Variants in MFSD2A observed in about 807,000 individuals in gnomAD.
MFSD2A encodes sodium-dependent lysophosphatidylcholine symporter 1.
MFSD2A carries 27 observed loss-of-function variants against 64.7 expected under a neutral mutation model. The observed-to-expected ratio is 0.42, with a 90% CI of 0.31 to 0.58. The LOEUF (loss-of-function observed/expected upper bound fraction) is 0.58, where lower values mean the gene tolerates loss of function less well. Among genes scored for constraint, MFSD2A ranks in the 20% least tolerant of loss-of-function variants. MFSD2A has a pLI of 0.18. For missense variants in MFSD2A, 474 were observed against 679.5 expected (o/e 0.70, Z 3.36); for synonymous variants, 258 against 273.4 (o/e 0.94, Z 0.55).
chr1:39,955,149 T>A lies in MFSD2A; in HGVS notation c.-144T>A, dbSNP rs1038603172. 1 of 531,488 alleles carries A rather than the reference T, an allele frequency of 1.9e-6. No homozygotes were observed. Among genetic ancestry groups the A allele is most frequent in the African/African-American group, 2.0e-5 (1 of 50,168 alleles). The allele number at this position is 531,488 out of a possible 1,614,324, so 32.9% of individuals were successfully genotyped here. A position where few individuals can be genotyped will look rare whatever the true frequency, so the allele number is the denominator to read the frequency against. ...GGCGCGGAGGGGGCGTGCAGCAGAGTGCGTTCCTCGTCTGCCAGCCGGCTT... is the reference window on the plus strand; with the variant it reads ...GGCGCGGAGGGGGCGTGCAGCAGAGAGCGTTCCTCGTCTGCCAGCCGGCTT... On this transcript the variant is annotated 5_prime_UTR_variant, in exon 1 of 14. Transcript: ENST00000372811. This position sits in a 1 kb window ranked among gnomAD's most constrained non-coding sequence, Gnocchi z 5.9.
At chr1:39,956,705 C>T (rs982290467) in intron 1 of MFSD2A, among the ~76,000 whole-genome samples, 1 of 151,510 alleles carries the variant, frequency 6.6e-6, no homozygotes, top group Non-Finnish European at 1.5e-5. Flanking sequence ...AGTGGGATCT[C>T]GGAGATCGAG....
In MFSD2A at chr1:39,968,277, T is replaced by A; in HGVS notation, c.1209-57T>A. The A allele has an allele frequency of 8.1e-6, 13 of 1,611,514 alleles. No individual in the cohort carries two copies. In the South Asian group the frequency reaches 1.1e-4, roughly 14 times the overall value. On this transcript the variant is annotated intron_variant, in intron 11 of 13. Transcript: ENST00000372811. The surrounding 1 kb of genome is among the most constrained non-coding windows in gnomAD (Gnocchi z 4.4). ...GCTTCCAGAGGGCCACCTCTTCTCA[T>A]TAACACAGAGGCCCGTTAGGTGGGT...
At chr1:39,966,783 C>A (rs1645170975) in intron 7 of MFSD2A, 28 bp from the exon 8 acceptor site, 2 of 1,613,976 alleles carry the variant, frequency 1.2e-6, no homozygotes, top group African/African-American at 2.7e-5. Context: ...GTCTCTGCTC[C>A]TTCCTCACTG....
rs1168994150 is a variant in MFSD2A, at chr1:39,958,713, T to C, written c.241T>C (p.Ser81Pro). The C allele has an allele frequency of 1.9e-6, 3 of 1,614,156 alleles. No homozygotes were observed. Among genetic ancestry groups the C allele is most frequent in the Non-Finnish European group, 1.7e-6 (2 of 1,180,022 alleles). ...LLDVAQVGPFSASIILFVGRA... is the reference protein window; with the variant it reads ...LLDVAQVGPFPASIILFVGRA... The stretch of plus-strand genomic sequence containing the variant: ...CTCCTCATTCCAGGTGGGCCCTTTC[T>C]CTGCCTCCATCATCCTGTTTGTGGG... The change falls in exon 3 of 14, where the codon TCT becomes CCT. Residue 81 changes from serine to proline, a missense_variant. Ser to Pro is a moderately conservative substitution (Grantham distance 74, BLOSUM62 -1). Transcript: ENST00000372811. This position sits in a 1 kb window ranked among gnomAD's most constrained non-coding sequence, Gnocchi z 4.7.
rs1245932091 is a variant in MFSD2A at position 39,955,266 on chromosome 1, G to C, written c.-27G>C. The C allele has an allele frequency of 7.2e-7, 1 of 1,397,068 alleles. No homozygotes were observed. Among genetic ancestry groups the C allele is most frequent in the East Asian group, 2.8e-5 (1 of 36,190 alleles). 86.5% of individuals were successfully genotyped at this position (1,397,068 alleles called of 1,614,324 possible). ...GGGCAGAGGAGCATCCCGTCTACCA[G>C]GTCCCAAGCGGCGTGGCCCGCGGGT... On this transcript the variant is annotated 5_prime_UTR_variant, in exon 1 of 14. Transcript: ENST00000372811. The surrounding 1 kb of genome is among the most constrained non-coding windows in gnomAD (Gnocchi z 5.9).
Position 39,963,287 on chromosome 1 carries a change from C to G in MFSD2A, c.354-1924C>G. ...GCACCTTTGATGCCATCTCTAAGACCTACAGCTACCTGACCCCCGACCTCT... is the reference window on the plus strand; with the variant it reads ...GCACCTTTGATGCCATCTCTAAGACGTACAGCTACCTGACCCCCGACCTCT... On this transcript the variant is annotated intron_variant, in intron 3 of 13. Transcript: ENST00000372811. This position sits in a 1 kb window ranked among gnomAD's most constrained non-coding sequence, Gnocchi z 4.2. 7.2e-7 allele frequency: 1 copy of G among 1,381,272 alleles called. No homozygotes were observed. Among genetic ancestry groups the G allele is most frequent in the Non-Finnish European group, 1.0e-6 (1 of 988,644 alleles). The allele number at this position is 1,381,272 out of a possible 1,614,324, so 85.6% of individuals were successfully genotyped here.
rs1166137461 is a variant in MFSD2A at position 39,965,951 on chromosome 1, T to C, written c.651T>C (p.Asn217=). 2.5e-6 allele frequency: 4 copies of C among 1,614,160 alleles called. No individual in the cohort carries two copies. Among genetic ancestry groups the C allele is most frequent in the Admixed American group, 1.7e-5 (1 of 60,026 alleles). The change falls in exon 6 of 14, where the codon AAT becomes AAC. Residue 217 remains asparagine (N), a synonymous_variant. Coordinates refer to ENST00000372811, the MANE Select transcript of MFSD2A (RefSeq NM_032793.5). The surrounding 1 kb of genome is among the most constrained non-coding windows in gnomAD (Gnocchi z 5.5). ...QADTPCFQDL[N]SSTVASQSAN... is the part of the protein sequence containing the mutation. ...ACACGCCTTGTTTCCAGGACCTCAATAGCTCTACAGTAGCTTCACAAAGTG... is the reference window on the plus strand; with the variant it reads ...ACACGCCTTGTTTCCAGGACCTCAACAGCTCTACAGTAGCTTCACAAAGTG...
In MFSD2A at chr1:39,969,613, G is replaced by C. The variant is rs575790497; in HGVS notation, c.*45G>C. The C allele has an allele frequency of 6.3e-7, 1 of 1,576,758 alleles. No homozygotes were observed. ...AGCCACCATGCAGAAGGCCACAGAA[G>C]GGATCAGGACCTGTCTGCCGGCTTG... On this transcript the variant is annotated 3_prime_UTR_variant, in exon 14 of 14. Transcript: ENST00000372811.
chr1:39,963,477 A>G lies in MFSD2A; in HGVS notation c.354-1734A>G, dbSNP rs1645089860. On this transcript the variant is annotated intron_variant, in intron 3 of 13. Transcript: ENST00000372811. This position sits in a 1 kb window ranked among gnomAD's most constrained non-coding sequence, Gnocchi z 4.2. ...AATGTTTACGAGACAGAGTCTTGCT[A>G]TGTTGCACAGGCTGGACTCAAACTC... is the stretch of plus-strand genomic sequence containing the variant. The G allele has an allele frequency of 2.0e-6, 1 of 512,074 alleles. No homozygotes were observed. Among genetic ancestry groups the G allele is most frequent in the South Asian group, 2.8e-5 (1 of 35,676 alleles). The allele number at this position is 512,074 out of a possible 1,614,324, so 31.7% of individuals were successfully genotyped here. A position where few individuals can be genotyped will look rare whatever the true frequency, so the allele number is the denominator to read the frequency against.
intron 3 of MFSD2A, chr1:39,962,601 A>G (rs1645068274): frequency 9.1e-6 from 7 of 765,354 alleles, no homozygotes; most frequent in Non-Finnish European, 1.5e-5. Flanking sequence ...TGGCCCTGGG[A>G]TGGGGAACTC....
Position 39,963,382 on chromosome 1 carries a change from C to A in MFSD2A, c.354-1829C>A. On this transcript the variant is annotated intron_variant, in intron 3 of 13. Transcript: ENST00000372811. The surrounding 1 kb of genome is among the most constrained non-coding windows in gnomAD (Gnocchi z 4.2). ...GACCACCTCATCAAGACCCACCAGG[C>A]TCCAGCTGTGGCTACAACATAGGGT... 1.5e-6 allele frequency: 1 copy of A among 686,224 alleles called. No individual in the cohort carries two copies. The highest frequency in any genetic ancestry group is 2.4e-5 in the Admixed American group (1 of 42,484). The allele number at this position is 686,224 out of a possible 1,614,324, so 42.5% of individuals were successfully genotyped here. A position where few individuals can be genotyped will look rare whatever the true frequency, so the allele number is the denominator to read the frequency against.
At position 39,968,714 on chromosome 1, in the gene MFSD2A, C is replaced by T. The variant is rs149050977; in HGVS notation, c.1498C>T (p.Arg500Trp). ...KMYPIDEERR[R>W]QNKKALQALR... ...GTACCCCATTGATGAGGAGAGGCGGCGGCAGAATAAGAAGGCCCTGCAGGC... is the reference window on the plus strand; with the variant it reads ...GTACCCCATTGATGAGGAGAGGCGGTGGCAGAATAAGAAGGCCCTGCAGGC... The change falls in exon 13 of 14, where the codon CGG becomes TGG. Residue 500 changes from arginine to tryptophan, a missense_variant. Arg to Trp is a moderately radical substitution (Grantham distance 101). Coordinates refer to ENST00000372811, the MANE Select transcript of MFSD2A (RefSeq NM_032793.5). The surrounding 1 kb of genome is among the most constrained non-coding windows in gnomAD (Gnocchi z 4.4). The T allele has an allele frequency of 7.5e-5, 121 of 1,613,900 alleles. No homozygotes were observed. The African/African-American group carries it at 9.2e-4, about 12-fold the overall frequency.
rs1645219347 is a variant in MFSD2A, at chr1:39,968,764, G to A, written c.1529+19G>A. On this transcript the variant is annotated intron_variant, in intron 13 of 13. Coordinates refer to ENST00000372811, the MANE Select transcript of MFSD2A (RefSeq NM_032793.5). This position sits in a 1 kb window ranked among gnomAD's most constrained non-coding sequence, Gnocchi z 4.4. Reference sequence around the variant, plus strand: ...CACTGAGGTGAGTGGGGAGGGGACAGGATGCTGGAGGAGGGGACGTCACTG... The same window carrying A: ...CACTGAGGTGAGTGGGGAGGGGACAAGATGCTGGAGGAGGGGACGTCACTG... 2 of 1,613,196 alleles carry A rather than the reference G, an allele frequency of 1.2e-6. No individual in the cohort carries two copies. The highest frequency in any genetic ancestry group is 2.7e-5 in the African/African-American group (2 of 74,900).
chr1:39,957,065 C>A (rs1204367599), intron 1 of MFSD2A, 22 bp from the exon 2 acceptor site: 3 of 1,603,654 alleles, frequency 1.9e-6, no homozygotes, highest in African/African-American at 2.7e-5. Context: ...TTGGGCCTTT[C>A]ATCTTTTCCT....
rs1645206006 is a variant in MFSD2A, at chr1:39,968,253, C to T, written c.1209-81C>T. On this transcript the variant is annotated intron_variant, in intron 11 of 13. Coordinates refer to ENST00000372811, the MANE Select transcript of MFSD2A (RefSeq NM_032793.5). The surrounding 1 kb of genome is among the most constrained non-coding windows in gnomAD (Gnocchi z 4.4). ...AGCTGTGTACCCATGGTACTGCAAGCTTCCAGAGGGCCACCTCTTCTCATT... is the reference window on the plus strand; with the variant it reads ...AGCTGTGTACCCATGGTACTGCAAGTTTCCAGAGGGCCACCTCTTCTCATT... 3 of 1,577,208 alleles carry T rather than the reference C, an allele frequency of 1.9e-6. No homozygotes were observed. Among genetic ancestry groups the T allele is most frequent in the African/African-American group, 2.7e-5 (2 of 74,252 alleles).
At chr1:39,969,381 CTG>C (rs1645234474) in intron 13 of MFSD2A, 122 bp from the exon 14 acceptor site, 6 of 744,178 alleles carry the variant, frequency 8.1e-6, no homozygotes, top group Admixed American at 3.0e-5. Context: ...TGAGCAAACT[CTG>C]TGTCCCGCGG....
Position 39,964,961 on chromosome 1 carries a change from A to C in MFSD2A, c.354-250A>C. ...TTAGAGGCTGCTGCCTCTGGACTAG[A>C]CTCAGGCTCTGACCTCACACTCCAT... is the stretch of plus-strand genomic sequence containing the variant. On this transcript the variant is annotated intron_variant, in intron 3 of 13. Transcript: ENST00000372811. This position sits in a 1 kb window ranked among gnomAD's most constrained non-coding sequence, Gnocchi z 4.1. The C allele has an allele frequency of 1.8e-6, 1 of 555,248 alleles. No homozygotes were observed. The highest frequency in any genetic ancestry group is 3.2e-6 in the Non-Finnish European group (1 of 309,636). The allele number at this position is 555,248 out of a possible 1,614,324, so 34.4% of individuals were successfully genotyped here. A position where few individuals can be genotyped will look rare whatever the true frequency, so the allele number is the denominator to read the frequency against.
intron 11 of MFSD2A, 72 bp downstream of exon 11, chr1:39,967,988 G>C (rs1477951668): frequency 3.1e-6 from 3 of 956,752 alleles, no homozygotes; most frequent in Admixed American, 2.2e-5. Flanking sequence ...TCCTTAGGGA[G>C]AGTTCTATGC....
rs1645003239 is a variant in MFSD2A at position 39,960,138 on chromosome 1, G to A, written c.353+1313G>A. Among the ~76,000 whole-genome samples, 1 of 152,256 alleles carries A rather than the reference G, an allele frequency of 6.6e-6. No individual in the cohort carries two copies. On this transcript the variant is annotated intron_variant, in intron 3 of 13. Coordinates refer to ENST00000372811, the MANE Select transcript of MFSD2A (RefSeq NM_032793.5). The surrounding 1 kb of genome is among the most constrained non-coding windows in gnomAD (Gnocchi z 4.8). ...TTCAGGGGCAAAGTAGGCGGAGGTGGTGCCACGGATCGGATCAGACGGCAG... is the reference window on the plus strand; with the variant it reads ...TTCAGGGGCAAAGTAGGCGGAGGTGATGCCACGGATCGGATCAGACGGCAG...
Sources: gnomAD v4.1 joint callset for allele counts (sites outside exome capture counted in the v4.1 genomes callset) on GRCh38, gnomAD v4.1.1 for gene constraint, Gnocchi (gnomAD v3.1) non-coding constraint, MANE v1.5 for transcripts, NCBI Gene and HGNC (gene_info 2026-07-23, HGNC 2026-07-21) for gene names.